PCDH7: variants seen among roughly 807,000 people sequenced by gnomAD.
PCDH7 encodes protocadherin 7.
A neutral mutation model predicts 58.9 loss-of-function variants in PCDH7; 17 were observed. That is an observed-to-expected ratio of 0.29 (90% CI 0.20 to 0.43). The LOEUF (loss-of-function observed/expected upper bound fraction) is 0.43, where lower values mean the gene tolerates loss of function less well. PCDH7 is among the 20% of genes least tolerant of loss of function. The probability of loss-of-function intolerance (pLI) is 1.00; values close to 1 mark genes in which losing one functional copy is unlikely to be tolerated. For missense variants in PCDH7, 1,274 were observed against 1,441.0 expected (o/e 0.88, Z 1.88); for synonymous variants, 664 against 616.4 (o/e 1.08, Z -1.14).
At chr4:30,879,732 A>G (rs1736725924) in intron 1 of PCDH7, among the ~76,000 whole-genome samples, 1 of 152,162 alleles carries the variant, frequency 6.6e-6, no homozygotes, top group Non-Finnish European at 1.5e-5. Flanking sequence ...ACTTGCAGAT[A>G]CTGACATCAT....
At chr4:31,048,405 G>C (rs183952063) in intron 3 of PCDH7, among the ~76,000 whole-genome samples, 2 of 151,962 alleles carry the variant, frequency 1.3e-5, no homozygotes, top group South Asian at 2.1e-4. Context: ...TCCCACTAAG[G>C]CATGTAAATA....
chr4:30,721,769 T>C lies in PCDH7; in HGVS notation c.347T>C (p.Val116Ala). The stretch of plus-strand genomic sequence containing the variant: ...TGCTTCCTGGACTTCGAGGTGTCGG[T>C]GATCGGGCCCTCGCAGAGCTGGGTG... Residue 116 changes from valine to alanine, a missense_variant, in exon 1 of 2, where the codon GTG becomes GCG. By Grantham distance (64) the Val-to-Ala change is moderately conservative. Around this residue, in one of 3 missense-constraint regions of PCDH7, gnomAD observed 212 missense variants for 255.8 expected, o/e 0.83. Transcript: ENST00000361762. The surrounding 1 kb of genome is among the most constrained non-coding windows in gnomAD (Gnocchi z 6.7). 1 of 1,613,706 alleles carries C rather than the reference T, an allele frequency of 6.2e-7. No homozygotes were observed. Among genetic ancestry groups the C allele is most frequent in the Non-Finnish European group, 8.5e-7 (1 of 1,179,954 alleles).
chr4:30,728,245 TTG>T (rs138265687), intron 1 of PCDH7, among the ~76,000 whole-genome samples: 52 of 146,320 alleles, frequency 3.6e-4, no homozygotes, highest in South Asian at 1.5e-3. Context: ...GTCAATTCAT[TTG>T]TGTGTGTGTG....
intron 3 of PCDH7, among the ~76,000 whole-genome samples, chr4:31,097,637 T>TATATATATATAA (rs1553850696): frequency 3.4e-5 from 3 of 89,294 alleles, no homozygotes; most frequent in Non-Finnish European, 6.2e-5. Flanking sequence ...TATATATATA[T>TATATATATATAA]AAATCTTTTT....
chr4:30,889,616 G>C (rs1578182993), intron 1 of PCDH7, among the ~76,000 whole-genome samples: 1 of 152,090 alleles, frequency 6.6e-6, no homozygotes, highest in Admixed American at 6.6e-5. Context: ...GAGTTCTAGA[G>C]GCTGGAAAAT....
At chr4:31,026,697 T>C (rs1754460908) in intron 3 of PCDH7, among the ~76,000 whole-genome samples, 1 of 152,180 alleles carries the variant, frequency 6.6e-6, no homozygotes, top group African/African-American at 2.4e-5. Flanking sequence ...TTGATATTTG[T>C]AACACCTCTT....
chr4:30,969,267 A>G (rs1749326989), intron 3 of PCDH7, among the ~76,000 whole-genome samples: 1 of 152,188 alleles, frequency 6.6e-6, no homozygotes, highest in African/African-American at 2.4e-5. Flanking sequence ...GGACATTTTC[A>G]GACATGCCAT....
intron 1 of PCDH7, among the ~76,000 whole-genome samples, chr4:30,905,605 C>A (rs989160338): frequency 1.3e-5 from 2 of 152,176 alleles, no homozygotes; most frequent in African/African-American, 4.8e-5. Context: ...CAGTGGTAGG[C>A]ACAAAGCAAG....
intron 3 of PCDH7, among the ~76,000 whole-genome samples, chr4:31,120,157 A>G (rs989317739): frequency 3.9e-5 from 6 of 152,026 alleles, no homozygotes; most frequent in East Asian, 1.9e-4. Flanking sequence ...AAATTATTCT[A>G]CAAGTCACAT....
At chr4:30,819,188 A>G (rs747666195) in intron 1 of PCDH7, among the ~76,000 whole-genome samples, 6 of 152,174 alleles carry the variant, frequency 3.9e-5, no homozygotes, top group Non-Finnish European at 8.8e-5. Flanking sequence ...CATCATATGT[A>G]TGAAGACCTT....
chr4:30,778,713 C>T (rs763179995), intron 1 of PCDH7, among the ~76,000 whole-genome samples: 3 of 151,828 alleles, frequency 2.0e-5, no homozygotes, highest in African/African-American at 2.4e-5. Flanking sequence ...AAAAGGATAC[C>T]GGTGTAACTT....
intron 1 of PCDH7, among the ~76,000 whole-genome samples, chr4:30,834,042 T>C (rs1295570121): frequency 6.6e-6 from 1 of 152,180 alleles, no homozygotes; most frequent in African/African-American, 2.4e-5. Context: ...AAATGTGCCA[T>C]TTTCCTTTAT....
rs1749659227 is a variant in PCDH7, at chr4:30,972,271, T to C, written c.*7+22056T>C. ...AAATGTGTGGACTGTTATGAAAATT[T>C]AACATAGTGTTTTTTTTATATGAGT... On this transcript the variant is annotated intron_variant, in intron 3 of 3. Coordinates refer to the PCDH7 transcript ENST00000509759. 1.3e-5 allele frequency among the ~76,000 whole-genome samples: 2 copies of C among 152,224 alleles called. 1 individual carries two copies. The highest frequency in any genetic ancestry group is 1.3e-4 in the Admixed American group (2 of 15,282).
intron 3 of PCDH7, among the ~76,000 whole-genome samples, chr4:31,118,893 A>G (rs1717312325): frequency 6.6e-6 from 1 of 152,184 alleles, no homozygotes; most frequent in African/African-American, 2.4e-5. Context: ...GAAAATCGTA[A>G]ACCTCAATAT....
At chr4:31,059,308 T>G (rs2109235097) in intron 3 of PCDH7, among the ~76,000 whole-genome samples, 1 of 152,052 alleles carries the variant, frequency 6.6e-6, no homozygotes, top group South Asian at 2.1e-4. Flanking sequence ...AATTGTGTTC[T>G]TAAAATAATA....
At chr4:31,123,767 G>A (rs1004594822) in intron 3 of PCDH7, among the ~76,000 whole-genome samples, 2 of 152,138 alleles carry the variant, frequency 1.3e-5, no homozygotes, top group African/African-American at 2.4e-5. Context: ...GAAGGGTGGT[G>A]TATGCAGAGG....
At chr4:30,724,498 C>T (rs1252594280) in exon 1 of PCDH7, 1 of 1,614,158 alleles carries the variant, frequency 6.2e-7, no homozygotes, top group Admixed American at 1.7e-5. Flanking sequence ...AGATCTACCA[C>T]CAGCCAACAC....
chr4:30,840,988 G>A (rs1036071332), intron 1 of PCDH7, among the ~76,000 whole-genome samples: 6 of 151,360 alleles, frequency 4.0e-5, no homozygotes, highest in Admixed American at 4.0e-4. Flanking sequence ...CGATTCTTTT[G>A]CAAAAGCATT....
chr4:30,891,752 T>C (rs902397346), intron 1 of PCDH7, among the ~76,000 whole-genome samples: 1 of 144,064 alleles, frequency 6.9e-6, no homozygotes, highest in African/African-American at 2.6e-5. Flanking sequence ...AACTGGTTGA[T>C]TCTCTGAGGG....
Sources: gnomAD v4.1 joint callset for allele counts (sites outside exome capture counted in the v4.1 genomes callset) on GRCh38, gnomAD v4.1.1 for gene constraint, gnomAD v4.1.1 regional missense constraint, Gnocchi (gnomAD v3.1) non-coding constraint, MANE v1.5 for transcripts, NCBI Gene and HGNC (gene_info 2026-07-23, HGNC 2026-07-21) for gene names.